The following MASP2 variants were observed in gnomAD, a reference collection of about 807,000 sequenced individuals.
The protein encoded by MASP2 is mannan-binding lectin serine protease 2.
Under a neutral mutation model 57.1 loss-of-function variants are expected in MASP2, and 49 were observed. The ratio of observed to expected loss-of-function variants is 0.86; its 90% CI spans 0.68 to 1.09. The LOEUF (loss-of-function observed/expected upper bound fraction) is 1.09, where lower values mean the gene tolerates loss of function less well. Ranked by LOEUF, MASP2 falls within the 50% of genes least tolerant of loss-of-function variation. The pLI is 0.00. For missense variants in MASP2, 900 were observed against 874.8 expected (o/e 1.03, Z -0.36); for synonymous variants, 379 against 340.8 (o/e 1.11, Z -1.24).
intron 8 of MASP2, among the ~76,000 whole-genome samples, chr1:11,033,963 A>T (rs1209396771): frequency 6.4e-3 from 54 of 8,450 alleles, no homozygotes; most frequent in South Asian, 8.3e-3. Context: ...ACACACACAC[A>T]CACTCTCTCT....
At position 11,027,137 on chromosome 1, in the gene MASP2, T is replaced by C; in HGVS notation, c.1809A>G (p.Glu603=). The part of the protein sequence containing the change: ...VDHQKCTAAY[E]KPPYPRGSVT... ...CACTTCCCCTTGGATAGGGTGGCTT[T>C]TCATATGCAGCAGTACATTTTTGAT... The change falls in exon 11 of 11, where the codon GAA becomes GAG. Residue 603 remains glutamate (E), a synonymous_variant. Transcript: ENST00000400897. 1 of 1,613,234 alleles carries C rather than the reference T, an allele frequency of 6.2e-7. No homozygotes were observed. Among genetic ancestry groups the C allele is most frequent in the Non-Finnish European group, 8.5e-7 (1 of 1,179,638 alleles).
At position 11,042,646 on chromosome 1, in the gene MASP2, G is replaced by A. The variant is rs12139566; in HGVS notation, c.889+229C>T. Among the ~76,000 whole-genome samples the A allele has an allele frequency of 5.7e-3, 866 of 152,138 alleles. 8 individuals are homozygous for A. Among genetic ancestry groups the A allele is most frequent in the South Asian group, 0.03 (146 of 4,824 alleles). ...AAAAGGATGAGTGGATGGGTGAATG[G>A]GTGGTTGGAAGAATGAGTGGTGGAA... On this transcript the variant is annotated intron_variant, in intron 6 of 10. Coordinates refer to ENST00000400897, the MANE Select transcript of MASP2 (RefSeq NM_006610.4).
chr1:11,046,442 C>A (rs1280039174), intron 3 of MASP2, 114 bp downstream of exon 3: 5 of 1,246,670 alleles, frequency 4.0e-6, no homozygotes, highest in Non-Finnish European at 5.7e-6. Flanking sequence ...AGAGGCCTCT[C>A]CCCTGCCCTG....
chr1:11,033,504 G>C (rs1327150168), intron 8 of MASP2, among the ~76,000 whole-genome samples: 2 of 151,930 alleles, frequency 1.3e-5, no homozygotes, highest in Non-Finnish European at 2.9e-5. Flanking sequence ...ACTTAGCCAG[G>C]TGTGGCGGTG....
chr1:11,027,052 C>G lies in MASP2; in HGVS notation c.1894G>C (p.Asp632His). The change falls in exon 11 of 11, where the codon GAC (aspartate) becomes CAC (histidine). Residue 632 changes from aspartate to histidine, a missense_variant. Transcript: ENST00000400897. ...AGAAACACCAGTGCCCCTCCGCTGT[C>G]ACCTCTGCAGCTGTCCTTGCCCCCA... is the stretch of plus-strand genomic sequence containing the variant. ...ESGGKDSCRG[D>H]SGGALVFLDS... 1 of 1,593,546 alleles carries G rather than the reference C, an allele frequency of 6.3e-7. No individual in the cohort carries two copies. The highest frequency in any genetic ancestry group is 8.5e-7 in the Non-Finnish European group (1 of 1,170,128).
intron 8 of MASP2, among the ~76,000 whole-genome samples, chr1:11,033,885 A>C (rs1352970967): frequency 6.6e-6 from 1 of 150,388 alleles, no homozygotes; most frequent in Non-Finnish European, 1.5e-5. Context: ...GTGAGCCGAG[A>C]TTGTCACCGC....
chr1:11,035,793 G>C (rs1336197304), intron 7 of MASP2, among the ~76,000 whole-genome samples: 2 of 151,738 alleles, frequency 1.3e-5, no homozygotes, highest in African/African-American at 4.8e-5. Context: ...CTACTTGGGA[G>C]GCTGGGGTGA....
rs756743567 is a variant in MASP2 at position 11,034,923 on chromosome 1, A to G, written c.1009-17T>C. 2 of 1,556,100 alleles carry G rather than the reference A, an allele frequency of 1.3e-6. No homozygotes were observed. Among genetic ancestry groups the G allele is most frequent in the Non-Finnish European group, 1.8e-6 (2 of 1,133,380 alleles). On this transcript the variant is annotated splice_polypyrimidine_tract_variant and intron_variant, in intron 7 of 10. Transcript: ENST00000400897. ...CAAGTGACCCTAAAGAAGAATTCAG[A>G]ATATATTAATTTCCTTGTTTATATC...
intron 7 of MASP2, among the ~76,000 whole-genome samples, chr1:11,035,409 C>T (rs1643879646): frequency 6.6e-6 from 1 of 151,914 alleles, no homozygotes; most frequent in Non-Finnish European, 1.5e-5. Context: ...CACCTGTAAT[C>T]CCAGCTCCTC....
chr1:11,031,929 A>G (rs914512539), intron 8 of MASP2, among the ~76,000 whole-genome samples: 3 of 152,136 alleles, frequency 2.0e-5, no homozygotes, highest in Admixed American at 1.3e-4. Context: ...AATTCAGCTT[A>G]TTCTTCTGAT....
intron 2 of MASP2, 29 bp from the exon 3 acceptor site, chr1:11,046,762 A>C: frequency 1.2e-6 from 2 of 1,603,606 alleles, no homozygotes; most frequent in South Asian, 2.2e-5. Flanking sequence ...CAGGGAGTGA[A>C]GGCAAGACCC....
chr1:11,045,415 G>C lies in MASP2; in HGVS notation c.537C>G (p.Thr179=). The change falls in exon 4 of 11, where the codon ACC becomes ACG. Residue 179 remains threonine (T), a synonymous_variant. Transcript: ENST00000400897. ...CCAGGCAGCCTCCCTCACCTGAGCA[G>C]GTGCGCTTGTTACGGTGCAGGACGT... ...AGYVLHRNKR[T]CSALCSGQVF... The C allele has an allele frequency of 1.2e-6, 2 of 1,613,186 alleles. No individual in the cohort carries two copies. The highest frequency in any genetic ancestry group is 1.7e-4 in the Middle Eastern group (1 of 6,056).
At chr1:11,040,974 G>C (rs577497527) in intron 6 of MASP2, among the ~76,000 whole-genome samples, 3 of 151,224 alleles carry the variant, frequency 2.0e-5, no homozygotes, top group Non-Finnish European at 4.4e-5. Context: ...TGGATGGATG[G>C]ATGGATAGAT....
intron 7 of MASP2, among the ~76,000 whole-genome samples, chr1:11,035,654 G>C (rs1643881196): frequency 6.6e-6 from 1 of 152,056 alleles, no homozygotes; most frequent in Non-Finnish European, 1.5e-5. Flanking sequence ...CAGCACATTG[G>C]GAGGCCGAGG....
chr1:11,045,248 G>T, intron 4 of MASP2, 160 bp downstream of exon 4: 1 of 1,063,920 alleles, frequency 9.4e-7, no homozygotes, highest in Non-Finnish European at 1.4e-6. Flanking sequence ...TGCTGAGAGG[G>T]GAAGCAGGGC....
chr1:11,030,481 G>A (rs1252291915), intron 9 of MASP2: 1 of 579,136 alleles, frequency 1.7e-6, no homozygotes, highest in African/African-American at 1.9e-5. Context: ...GATCTCAAGT[G>A]CTTAATGATA....
At chr1:11,036,130 C>G (rs1437236103) in intron 7 of MASP2, among the ~76,000 whole-genome samples, 2 of 152,134 alleles carry the variant, frequency 1.3e-5, no homozygotes, top group African/African-American at 4.8e-5. Context: ...TTTCTAAAAT[C>G]AAACATTAAA....
Position 11,026,740 on chromosome 1 carries a change from G to A in MASP2, c.*145C>T. On this transcript the variant is annotated 3_prime_UTR_variant, in exon 11 of 11. Transcript: ENST00000400897. The stretch of plus-strand genomic sequence containing the variant: ...TAAACTGGCAAGTGGAGAAATGACA[G>A]CAGCCTCACCTGGAGTCTGTTTTTT... 3 of 566,596 alleles carry A rather than the reference G, an allele frequency of 5.3e-6. No homozygotes were observed. The East Asian group carries it at 1.0e-4, about 19-fold the overall frequency. 35.1% of individuals were successfully genotyped at this position (566,596 alleles called of 1,614,324 possible).
Position 11,026,969 on chromosome 1 carries a change from A to G in MASP2, c.1977T>C (p.Asn659=). 4 of 1,563,178 alleles carry G rather than the reference A, an allele frequency of 2.6e-6. No individual in the cohort carries two copies. The highest frequency in any genetic ancestry group is 3.5e-6 in the Non-Finnish European group (4 of 1,158,506). The stretch of plus-strand genomic sequence containing the variant: ...CTCCATACTGACCTGCTTCCCCACA[A>G]TTCATGGAACCCCAGGACACTATTC... ...VGGIVSWGSM[N]CGEAGQYGVY... The change falls in exon 11 of 11, where the codon AAT becomes AAC. Residue 659 remains asparagine, a synonymous_variant. Transcript: ENST00000400897.
Sources: allele counts gnomAD v4.1 joint callset (sites outside exome capture counted in the v4.1 genomes callset), GRCh38; gene constraint gnomAD v4.1.1; transcripts MANE v1.5; gene names NCBI Gene and HGNC (gene_info 2026-07-23, HGNC 2026-07-21).